Variants in MFHAS1 observed in about 807,000 individuals in gnomAD.
MFHAS1 encodes the protein multifunctional ROCO family signaling regulator 1.
A neutral mutation model predicts 70.4 loss-of-function variants in MFHAS1; 50 were observed. The ratio of observed to expected loss-of-function variants is 0.71; its 90% CI spans 0.57 to 0.90. The LOEUF (loss-of-function observed/expected upper bound fraction) is 0.90, where lower values mean the gene tolerates loss of function less well. Ranked by LOEUF, MFHAS1 falls within the 40% of genes least tolerant of loss-of-function variation. The probability of loss-of-function intolerance (pLI) is 0.00; values close to 1 mark genes in which losing one functional copy is unlikely to be tolerated. For missense variants in MFHAS1, 1,795 were observed against 1,347.6 expected (o/e 1.33, Z -5.20); for synonymous variants, 952 against 620.0 (o/e 1.54, Z -7.96).
At chr8:8,861,661 C>G (rs1808666034) in intron 1 of MFHAS1, among the ~76,000 whole-genome samples, 1 of 152,148 alleles carries the variant, frequency 6.6e-6, no homozygotes, top group Non-Finnish European at 1.5e-5. Flanking sequence ...AGTCTCGTAA[C>G]CTCCACTACA....
chr8:8,840,751 C>T (rs1203917897), intron 1 of MFHAS1, among the ~76,000 whole-genome samples: 1 of 152,220 alleles, frequency 6.6e-6, no homozygotes, highest in Non-Finnish European at 1.5e-5. Flanking sequence ...TCACACCTCA[C>T]TACACTTCTA....
intron 1 of MFHAS1, among the ~76,000 whole-genome samples, chr8:8,855,595 C>A (rs554824232): frequency 3.9e-5 from 6 of 152,356 alleles, no homozygotes; most frequent in South Asian, 2.1e-4. Flanking sequence ...GTGGCTCACA[C>A]CTGTAATCCT....
chr8:8,848,208 G>A (rs903893208), intron 1 of MFHAS1, among the ~76,000 whole-genome samples: 6 of 152,182 alleles, frequency 3.9e-5, no homozygotes, highest in African/African-American at 1.4e-4. Flanking sequence ...AGGGTTTGCA[G>A]TTGCCATCTG....
At chr8:8,819,890 G>A (rs1175334874) in intron 1 of MFHAS1, among the ~76,000 whole-genome samples, 1 of 152,004 alleles carries the variant, frequency 6.6e-6, no homozygotes, top group East Asian at 1.9e-4. Flanking sequence ...GATAGAGACG[G>A]GGTCTTTACA....
chr8:8,890,702 T>C lies in MFHAS1; in HGVS notation c.2357A>G (p.His786Arg), dbSNP rs769656186. ...SQELLRATQL[H>R]QYVEGFLLHG... ...CAACAGAAAGCCCTCCACATACTGA[T>C]GGAGCTGGGTGGCCCGGAGCAGTTC... The change falls in exon 1 of 3, where the codon CAT becomes CGT. Residue 786 changes from histidine to arginine, a missense_variant. By Grantham distance (29) the His-to-Arg change is conservative. Transcript: ENST00000276282. 3.1e-6 allele frequency: 5 copies of C among 1,613,594 alleles called. No homozygotes were observed. In the South Asian group the frequency reaches 5.5e-5, roughly 18 times the overall value.
At position 8,785,921 on chromosome 8, in the gene MFHAS1, A is replaced by G; in HGVS notation, c.*101T>C. ...AGCACGCGTTGTCACTCAAGTTCAC[A>G]GAACACGCTGGGGTGAGTGCAGAGG... On this transcript the variant is annotated 3_prime_UTR_variant, in exon 3 of 3. Transcript: ENST00000276282. 7.9e-7 allele frequency: 1 copy of G among 1,268,466 alleles called. No individual in the cohort carries two copies. 78.6% of individuals were successfully genotyped at this position (1,268,466 alleles called of 1,614,324 possible).
intron 1 of MFHAS1, among the ~76,000 whole-genome samples, chr8:8,860,385 G>A (rs760742786): frequency 6.6e-6 from 1 of 152,156 alleles, no homozygotes; most frequent in Non-Finnish European, 1.5e-5. Flanking sequence ...TTAATTATTA[G>A]AAAAAGAGAA....
intron 1 of MFHAS1, among the ~76,000 whole-genome samples, chr8:8,811,103 T>C (rs2117283016): frequency 6.6e-6 from 1 of 152,116 alleles, no homozygotes; most frequent in Middle Eastern, 3.4e-3. Context: ...GGATTCCAGC[T>C]GGAATCCTCT....
chr8:8,791,992 A>G (rs1257937002), intron 2 of MFHAS1, among the ~76,000 whole-genome samples: 2 of 152,240 alleles, frequency 1.3e-5, no homozygotes, highest in Middle Eastern at 3.2e-3. Context: ...CTGTAATCCC[A>G]GCACTCTGGG....
At chr8:8,861,235 A>G (rs1262230807) in intron 1 of MFHAS1, among the ~76,000 whole-genome samples, 1 of 152,242 alleles carries the variant, frequency 6.6e-6, no homozygotes, top group Admixed American at 6.5e-5. Context: ...AAAATCCTTG[A>G]AACTTCACAA....
chr8:8,837,225 T>C (rs981743417), intron 1 of MFHAS1, among the ~76,000 whole-genome samples: 1 of 152,226 alleles, frequency 6.6e-6, no homozygotes, highest in Non-Finnish European at 1.5e-5. Flanking sequence ...TCTTTATATA[T>C]TCTTAGAGCA....
chr8:8,858,654 T>C (rs989123583), intron 1 of MFHAS1, among the ~76,000 whole-genome samples: 1 of 150,296 alleles, frequency 6.7e-6, no homozygotes. Flanking sequence ...ATATGGGGGG[T>C]TGGGTTCTAG....
At chr8:8,874,740 A>G (rs1809225508) in intron 1 of MFHAS1, among the ~76,000 whole-genome samples, 1 of 152,172 alleles carries the variant, frequency 6.6e-6, no homozygotes, top group African/African-American at 2.4e-5. Flanking sequence ...AGAAGAAATC[A>G]CAGAGGAAGC....
At chr8:8,870,066 G>A (rs1278110797) in intron 1 of MFHAS1, among the ~76,000 whole-genome samples, 1 of 151,878 alleles carries the variant, frequency 6.6e-6, no homozygotes, top group African/African-American at 2.4e-5. Context: ...CTCACCCTCT[G>A]AAAAAAACCA....
chr8:8,797,247 T>C (rs1339968632), intron 2 of MFHAS1, 118 bp downstream of exon 2: 7 of 1,165,308 alleles, frequency 6.0e-6, no homozygotes, highest in Admixed American at 4.9e-5. Flanking sequence ...ATTATGTCTG[T>C]TCAGGAGGAC....
chr8:8,831,695 G>A (rs1003148355), intron 1 of MFHAS1, among the ~76,000 whole-genome samples: 2 of 149,732 alleles, frequency 1.3e-5, no homozygotes, highest in African/African-American at 4.9e-5. Flanking sequence ...TGCAACCTCC[G>A]CCTCCCAGGT....
intron 2 of MFHAS1, among the ~76,000 whole-genome samples, chr8:8,788,957 T>G (rs985903648): frequency 2.6e-5 from 4 of 152,138 alleles, no homozygotes; most frequent in Non-Finnish European, 5.9e-5. Context: ...GGCCAGGAGT[T>G]TGAACTTGAG....
At chr8:8,835,061 A>G (rs1213531343) in intron 1 of MFHAS1, among the ~76,000 whole-genome samples, 2 of 152,230 alleles carry the variant, frequency 1.3e-5, no homozygotes, top group African/African-American at 4.8e-5. Context: ...AAAAAAGTAC[A>G]TACTAAATGA....
intron 1 of MFHAS1, among the ~76,000 whole-genome samples, chr8:8,849,272 G>C (rs1421924784): frequency 2.0e-5 from 3 of 151,810 alleles, no homozygotes; most frequent in Non-Finnish European, 4.4e-5. Context: ...ATAGAGACAG[G>C]GTTTTGCCAT....
Sources: allele counts gnomAD v4.1 joint callset (sites outside exome capture counted in the v4.1 genomes callset), GRCh38; gene constraint gnomAD v4.1.1; transcripts MANE v1.5; gene names NCBI Gene and HGNC (gene_info 2026-07-23, HGNC 2026-07-21).